The following ABR variants were observed in gnomAD, a reference collection of about 807,000 sequenced individuals.
ABR encodes the protein ABR activator of RhoGEF and GTPase.
ABR carries 35 observed loss-of-function variants against 107.2 expected under a neutral mutation model. That is an observed-to-expected ratio of 0.33 (90% confidence interval 0.25 to 0.43). The LOEUF is 0.43. Ranked by LOEUF, ABR falls within the 20% of genes least tolerant of loss-of-function variation. ABR has a pLI of 1.00. For missense variants in ABR, 815 were observed against 1,115.2 expected, an observed-to-expected ratio of 0.73 and a Z score of 3.83; for synonymous variants, 498 against 462.0, an observed-to-expected ratio of 1.08 and a Z score of -1.00.
rs1157459319 is a variant in ABR at position 1,179,720 on chromosome 17, G to A, written c.8C>T (p.Pro3Leu). The change falls in exon 1 of 23, where the codon CCG becomes CTG. Residue 3 changes from proline (P) to leucine (L), a missense_variant. Around this residue, in one of 5 missense-constraint regions of ABR, gnomAD observed 129 missense variants for 124.8 expected, o/e 1.03. Coordinates refer to ENST00000302538, the MANE Select transcript of ABR (RefSeq NM_021962.5). This position sits in a 1 kb window ranked among gnomAD's most constrained non-coding sequence, Gnocchi z 4.9. ...GCGCGGCAGGCCCCGGTGGCTGAGCGGCTCCATCCCGCGGCGGCGGCTCGG... is the reference window on the plus strand; with the variant it reads ...GCGCGGCAGGCCCCGGTGGCTGAGCAGCTCCATCCCGCGGCGGCGGCTCGG... ME[P>L]LSHRGLPRLS... 6.5e-7 allele frequency: 1 copy of A among 1,549,670 alleles called. No individual in the cohort carries two copies. The highest frequency in any genetic ancestry group is 8.7e-7 in the Non-Finnish European group (1 of 1,148,052).
At chr17:1,166,229 T>G (rs910214816) in intron 1 of ABR, among the ~76,000 whole-genome samples, 1 of 152,130 alleles carries the variant, frequency 6.6e-6, no homozygotes, top group Admixed American at 6.5e-5. Context: ...TCCACGCGGC[T>G]GCAAGGCTGA....
At chr17:1,129,878 T>A (rs1413407030) in intron 1 of ABR, among the ~76,000 whole-genome samples, 1 of 151,482 alleles carries the variant, frequency 6.6e-6, no homozygotes, top group African/African-American at 2.4e-5. Flanking sequence ...ACCCGGGAGG[T>A]GGGGGTTGTG....
At chr17:1,160,972 G>A (rs1363813523) in intron 1 of ABR, among the ~76,000 whole-genome samples, 2 of 152,142 alleles carry the variant, frequency 1.3e-5, no homozygotes, top group East Asian at 1.9e-4. Context: ...TGCTGCAGAC[G>A]GTGCCTTCTG....
At chr17:1,112,621 A>AAGGAAGGAAGGAAGAG (rs1555584866) in intron 2 of ABR, among the ~76,000 whole-genome samples, 1 of 149,104 alleles carries the variant, frequency 6.7e-6, no homozygotes, top group African/African-American at 2.5e-5. Context: ...GGGAGGAAGG[A>AAGGAAGGAAGGAAGAG]AGGAAGGAAG....
At chr17:1,130,038 C>T (rs79458903) in intron 1 of ABR, among the ~76,000 whole-genome samples, 4,390 of 152,190 alleles carry the variant, frequency 0.029, 210 homozygotes, top group African/African-American at 0.1. Flanking sequence ...ATAAAGCAAG[C>T]GCATAAAAAT....
chr17:1,112,916 ATTT>A (rs2038770738), intron 2 of ABR, among the ~76,000 whole-genome samples: 2 of 122,096 alleles, frequency 1.6e-5, no homozygotes, highest in African/African-American at 5.3e-5. Context: ...ATCAGCAAGC[ATTT>A]GTTAACGCCT....
At chr17:1,109,714 C>G (rs1038182726) in intron 2 of ABR, among the ~76,000 whole-genome samples, 1 of 152,112 alleles carries the variant, frequency 6.6e-6, no homozygotes, top group East Asian at 1.9e-4. Flanking sequence ...AAGCCACAGC[C>G]GCGTCCCGCC....
At chr17:1,203,163 G>A (rs1001348479) in intron 1 of ABR, among the ~76,000 whole-genome samples, 1 of 152,184 alleles carries the variant, frequency 6.6e-6, no homozygotes, top group Non-Finnish European at 1.5e-5. Context: ...TGGGATGACA[G>A]GCGTGAGCCA....
In ABR at chr17:1,010,508, G is replaced by A. The variant is rs1483973163; in HGVS notation, c.2236+221C>T. On this transcript the variant is annotated intron_variant, in intron 20 of 22. Coordinates refer to ENST00000302538, the MANE Select transcript of ABR (RefSeq NM_021962.5). The surrounding 1 kb of genome is among the most constrained non-coding windows in gnomAD (Gnocchi z 4.1). ...GGAAGCAGAAGGGGCTGCCCATGGGGACATCAGGGGCAAGAGGCAGGCGAG... is the reference window on the plus strand; with the variant it reads ...GGAAGCAGAAGGGGCTGCCCATGGGAACATCAGGGGCAAGAGGCAGGCGAG... The A allele has an allele frequency of 2.7e-5, 16 of 595,340 alleles. No individual in the cohort carries two copies. Among genetic ancestry groups the A allele is most frequent in the Non-Finnish European group, 3.8e-5 (13 of 342,746 alleles). The allele number at this position is 595,340 out of a possible 1,614,324, so 36.9% of individuals were successfully genotyped here. A position where few individuals can be genotyped will look rare whatever the true frequency, so the allele number is the denominator to read the frequency against.
chr17:1,094,966 C>T (rs1351944931), intron 3 of ABR, among the ~76,000 whole-genome samples: 1 of 152,228 alleles, frequency 6.6e-6, no homozygotes, highest in Non-Finnish European at 1.5e-5. Flanking sequence ...ACTCCCCACC[C>T]TCCATGAGGG....
intron 6 of ABR, among the ~76,000 whole-genome samples, chr17:1,076,212 T>C (rs1257933803): frequency 6.6e-6 from 1 of 152,164 alleles, no homozygotes; most frequent in African/African-American, 2.4e-5. Flanking sequence ...CTGGTTTACG[T>C]AAATACACTT....
chr17:1,124,058 A>G (rs1309987074), intron 2 of ABR, among the ~76,000 whole-genome samples: 2 of 152,036 alleles, frequency 1.3e-5, no homozygotes, highest in African/African-American at 4.8e-5. Context: ...CCATGGCAGC[A>G]ATGTGGCTTC....
intron 16 of ABR, among the ~76,000 whole-genome samples, chr17:1,028,531 C>T (rs936820461): frequency 2.2e-4 from 34 of 152,310 alleles, no homozygotes; most frequent in African/African-American, 8.2e-4. Context: ...CCCGAATGGC[C>T]CAAGAGGGGC....
rs114062487 is a variant in ABR at position 1,227,531 on chromosome 17, G to C, written c.838+1262C>G. Among the ~76,000 whole-genome samples, 1,310 of 152,322 alleles carry C rather than the reference G, an allele frequency of 8.6e-3. 19 individuals carry two copies. The highest frequency in any genetic ancestry group is 0.03 in the African/African-American group (1,250 of 41,562). The stretch of plus-strand genomic sequence containing the variant: ...TGTAATTGATCAAAACAGATGACTT[G>C]ATGGACCTTCCAACTGTGCTTTTAG... On this transcript the variant is annotated intron_variant, in intron 1 of 22. Coordinates refer to the ABR transcript ENST00000574139.
chr17:1,097,703 C>T (rs539324727), intron 3 of ABR, among the ~76,000 whole-genome samples: 1 of 152,190 alleles, frequency 6.6e-6, no homozygotes, highest in East Asian at 1.9e-4. Flanking sequence ...AACTGAGGCA[C>T]GATAGCTCAT....
chr17:1,174,013 CG>C (rs2041840702), intron 1 of ABR, among the ~76,000 whole-genome samples: 1 of 152,178 alleles, frequency 6.6e-6, no homozygotes, highest in East Asian at 1.9e-4. Flanking sequence ...AGGAAGGTAC[CG>C]GAATTGTCCC....
rs1004681684 is a variant in ABR at position 1,010,151 on chromosome 17, C to T, written c.2237-367G>A. On this transcript the variant is annotated intron_variant, in intron 20 of 22. Transcript: ENST00000302538. The surrounding 1 kb of genome is among the most constrained non-coding windows in gnomAD (Gnocchi z 4.1). ...CTGCCAGCGGTGGATTCTCTTTCTC[C>T]ACCCCTTCTGCTGCTGGAGCGTGGG... The T allele has an allele frequency of 1.4e-5, 4 of 280,678 alleles. No homozygotes were observed. The highest frequency in any genetic ancestry group is 6.1e-5 in the South Asian group (1 of 16,278). 17.4% of individuals were successfully genotyped at this position (280,678 alleles called of 1,614,324 possible).
chr17:1,085,599 C>T (rs563098509), intron 4 of ABR, among the ~76,000 whole-genome samples: 3 of 152,248 alleles, frequency 2.0e-5, no homozygotes, highest in South Asian at 4.1e-4. Context: ...ACTGCAGAGC[C>T]GTATCGTTCA....
rs763935167 is a variant in ABR at position 1,150,053 on chromosome 17, C to G, written c.62-24686G>C. ...ATTGTCGTCACTGACGTTGTCACTG[C>G]TGTTGTCCCTGTTGTTATGATTTCT... On this transcript the variant is annotated intron_variant, in intron 1 of 22. Coordinates refer to ENST00000302538, the MANE Select transcript of ABR (RefSeq NM_021962.5). The surrounding 1 kb of genome is among the most constrained non-coding windows in gnomAD (Gnocchi z 4.8). Among the ~76,000 whole-genome samples, 1 of 152,096 alleles carries G rather than the reference C, an allele frequency of 6.6e-6. No homozygotes were observed. Among genetic ancestry groups the G allele is most frequent in the Non-Finnish European group, 1.5e-5 (1 of 68,024 alleles).
Sources: allele counts gnomAD v4.1 joint callset (sites outside exome capture counted in the v4.1 genomes callset), GRCh38; gene constraint gnomAD v4.1.1; regional missense constraint gnomAD v4.1.1; non-coding constraint Gnocchi (gnomAD v3.1); transcripts MANE v1.5; gene names NCBI Gene and HGNC (gene_info 2026-07-23, HGNC 2026-07-21).